NNMT: variants seen among roughly 807,000 people sequenced by gnomAD.
The protein encoded by NNMT is nicotinamide N-methyltransferase.
Under a neutral mutation model 11.7 loss-of-function variants are expected in NNMT, and 10 were observed. The observed-to-expected ratio is 0.85, with a 90% CI of 0.53 to 1.45. The LOEUF (loss-of-function observed/expected upper bound fraction) is 1.45, where lower values mean the gene tolerates loss of function less well. Ranked by LOEUF, NNMT falls within the 40% of genes most tolerant of loss-of-function variation. The pLI, the probability that NNMT is intolerant of heterozygous loss-of-function variation, is 0.00. For missense variants in NNMT, 381 were observed against 319.4 expected (o/e 1.19, Z -1.47); for synonymous variants, 143 against 133.8 (o/e 1.07, Z -0.48).
intron 1 of NNMT, among the ~76,000 whole-genome samples, chr11:114,259,258 C>T (rs1237851353): frequency 6.6e-6 from 1 of 151,244 alleles, no homozygotes; most frequent in East Asian, 1.9e-4. Flanking sequence ...TTGCAGTTGT[C>T]AGGGGCACGT....
intron 2 of NNMT, among the ~76,000 whole-genome samples, chr11:114,279,212 A>G (rs1392468069): frequency 6.6e-6 from 1 of 152,150 alleles, no homozygotes; most frequent in East Asian, 1.9e-4. Context: ...AGGCGTGGCT[A>G]GTGACAGTGA....
At chr11:114,278,195 G>T (rs887049458) in intron 2 of NNMT, among the ~76,000 whole-genome samples, 7 of 152,190 alleles carry the variant, frequency 4.6e-5, no homozygotes, top group Non-Finnish European at 1.5e-5. Context: ...ATGGCGGAAG[G>T]CAAGGGAGGA....
intron 1 of NNMT, among the ~76,000 whole-genome samples, chr11:114,261,446 TG>T (rs1945079778): frequency 6.6e-6 from 1 of 152,010 alleles, no homozygotes; most frequent in African/African-American, 2.4e-5. Context: ...TAGCCGGGTG[TG>T]GTGGTGCATG....
chr11:114,283,825 G>A (rs774642927), intron 2 of NNMT, among the ~76,000 whole-genome samples: 27 of 152,048 alleles, frequency 1.8e-4, no homozygotes, highest in Non-Finnish European at 1.9e-4. Context: ...AGAATTACAA[G>A]ATCCAATCTT....
intron 2 of NNMT, among the ~76,000 whole-genome samples, chr11:114,265,768 C>G (rs747449071): frequency 1.3e-5 from 2 of 152,152 alleles, no homozygotes; most frequent in Non-Finnish European, 2.9e-5. Flanking sequence ...TGCTTCCAAT[C>G]GATTTCTTAC....
At chr11:114,264,228 C>T (rs1165036875) in intron 2 of NNMT, among the ~76,000 whole-genome samples, 1 of 151,978 alleles carries the variant, frequency 6.6e-6, no homozygotes. Flanking sequence ...CCCACATCCC[C>T]CTTTAGCTTC....
At chr11:114,302,912 T>G (rs1047370964) in intron 2 of NNMT, among the ~76,000 whole-genome samples, 8 of 152,240 alleles carry the variant, frequency 5.3e-5, no homozygotes, top group African/African-American at 1.9e-4. Flanking sequence ...AAAGGTACAA[T>G]GAGAAGTCAG....
intron 1 of NNMT, among the ~76,000 whole-genome samples, chr11:114,258,187 C>A (rs1263683311): frequency 6.6e-6 from 1 of 152,138 alleles, no homozygotes; most frequent in East Asian, 1.9e-4. Flanking sequence ...GGGACAGGCA[C>A]CGAGGCAGGG....
intron 2 of NNMT, among the ~76,000 whole-genome samples, chr11:114,274,807 G>A (rs768919264): frequency 5.9e-5 from 9 of 152,162 alleles, no homozygotes; most frequent in East Asian, 5.8e-4. Flanking sequence ...GCAGGCAACC[G>A]TTCTGACTGG....
At chr11:114,298,835 G>A (rs989927925) in intron 2 of NNMT, among the ~76,000 whole-genome samples, 3 of 152,056 alleles carry the variant, frequency 2.0e-5, no homozygotes, top group African/African-American at 7.2e-5. Context: ...CTTCCAACAC[G>A]AGAAATTGGC....
At chr11:114,302,090 T>C (rs184802385) in intron 2 of NNMT, among the ~76,000 whole-genome samples, 253 of 152,264 alleles carry the variant, frequency 1.7e-3, no homozygotes, top group Non-Finnish European at 2.8e-3. Context: ...TTTTCTCTTT[T>C]TAATCCAGAC....
intron 2 of NNMT, among the ~76,000 whole-genome samples, chr11:114,273,582 G>A (rs1945188714): frequency 6.6e-6 from 1 of 152,218 alleles, no homozygotes; most frequent in South Asian, 2.1e-4. Flanking sequence ...GCTCATGCCT[G>A]TAATCCCAAC....
At chr11:114,306,932 C>T (rs1051068736) in intron 2 of NNMT, among the ~76,000 whole-genome samples, 20 of 152,308 alleles carry the variant, frequency 1.3e-4, no homozygotes, top group African/African-American at 4.6e-4. Context: ...ACAGTTGTGC[C>T]AAATGTGTTC....
intron 1 of NNMT, among the ~76,000 whole-genome samples, chr11:114,262,396 C>T (rs1945090374): frequency 6.6e-6 from 1 of 152,230 alleles, no homozygotes; most frequent in Non-Finnish European, 1.5e-5. Flanking sequence ...TGTTGTTCCC[C>T]TCCACGTGTC....
At chr11:114,275,527 G>A (rs1412087542) in intron 2 of NNMT, among the ~76,000 whole-genome samples, 2 of 152,226 alleles carry the variant, frequency 1.3e-5, no homozygotes, top group Non-Finnish European at 2.9e-5. Flanking sequence ...CCCTAGGCTT[G>A]CCCGTGCCAA....
chr11:114,258,436 A>T (rs186626522), intron 1 of NNMT, among the ~76,000 whole-genome samples: 283 of 152,344 alleles, frequency 1.9e-3, no homozygotes, highest in African/African-American at 6.3e-3. Context: ...GAGAAGAGGC[A>T]TAAGGGAAGC....
At chr11:114,289,856 C>T (rs1945322594) in intron 2 of NNMT, among the ~76,000 whole-genome samples, 1 of 152,114 alleles carries the variant, frequency 6.6e-6, no homozygotes, top group Non-Finnish European at 1.5e-5. Flanking sequence ...AACGAGGTGG[C>T]TTGTAAACAA....
At chr11:114,281,265 C>T (rs959493538) in intron 2 of NNMT, among the ~76,000 whole-genome samples, 1 of 152,132 alleles carries the variant, frequency 6.6e-6, no homozygotes, top group South Asian at 2.1e-4. Context: ...CTATTAAGGC[C>T]AATCCGTGCG....
chr11:114,289,918 A>G (rs1945323034), intron 2 of NNMT, among the ~76,000 whole-genome samples: 1 of 152,184 alleles, frequency 6.6e-6, no homozygotes, highest in African/African-American at 2.4e-5. Context: ...AGATTGAGGC[A>G]CCAGCAGATT....
Sources: gnomAD v4.1 joint callset for allele counts (sites outside exome capture counted in the v4.1 genomes callset) on GRCh38, gnomAD v4.1.1 for gene constraint, MANE v1.5 for transcripts, NCBI Gene and HGNC (gene_info 2026-07-23, HGNC 2026-07-21) for gene names.